Variants in SUSD1 observed in about 807,000 individuals in gnomAD.
The protein encoded by SUSD1 is sushi domain-containing protein 1.
In SUSD1, 65 loss-of-function variants were observed where a neutral mutation model predicts 86.9. The observed-to-expected ratio is 0.75, with a 90% confidence interval of 0.61 to 0.92. SUSD1 has a LOEUF of 0.92. SUSD1 is among the 40% of genes least tolerant of loss of function. The probability of loss-of-function intolerance (pLI) is 0.00; values close to 1 mark genes in which losing one functional copy is unlikely to be tolerated. For synonymous variants in SUSD1, 346 were observed against 350.0 expected (o/e 0.99, Z 0.13); for missense variants, 850 against 929.7 (o/e 0.91, Z 1.11).
At chr9:112,048,267 T>C (rs1828040650) in intron 15 of SUSD1, among the ~76,000 whole-genome samples, 2 of 152,160 alleles carry the variant, frequency 1.3e-5, no homozygotes, top group Non-Finnish European at 2.9e-5. Flanking sequence ...AGAACAGTCT[T>C]TGAATGAATA....
chr9:112,062,130 A>G (rs1244519374), intron 13 of SUSD1, among the ~76,000 whole-genome samples: 1 of 152,332 alleles, frequency 6.6e-6, no homozygotes, highest in East Asian at 1.9e-4. Context: ...CAATACATGA[A>G]AAGACAAAAA....
At chr9:112,041,780 C>T in intron 16 of SUSD1, 87 bp downstream of exon 16, 1 of 1,333,784 alleles carries the variant, frequency 7.5e-7, no homozygotes, top group South Asian at 1.3e-5. Context: ...CTCCCTTTGA[C>T]TCCCCTCATC....
intron 12 of SUSD1, among the ~76,000 whole-genome samples, chr9:112,064,233 C>T (rs1828871817): frequency 6.6e-6 from 1 of 152,146 alleles, no homozygotes; most frequent in South Asian, 2.1e-4. Context: ...GGAACCAGGC[C>T]ACACAGCAGG....
At chr9:112,155,999 A>G (rs1833292755) in intron 2 of SUSD1, among the ~76,000 whole-genome samples, 1 of 151,588 alleles carries the variant, frequency 6.6e-6, no homozygotes, top group Non-Finnish European at 1.5e-5. Flanking sequence ...AAAGAGAGAA[A>G]GAAAGAAAGA....
intron 5 of SUSD1, among the ~76,000 whole-genome samples, chr9:112,126,415 G>A (rs1831774968): frequency 6.6e-6 from 1 of 152,124 alleles, no homozygotes; most frequent in Admixed American, 6.5e-5. Flanking sequence ...AATAATGGAA[G>A]GCATGATGAC....
intron 14 of SUSD1, among the ~76,000 whole-genome samples, chr9:112,056,961 C>T (rs1377850888): frequency 6.6e-6 from 1 of 152,204 alleles, no homozygotes; most frequent in Non-Finnish European, 1.5e-5. Context: ...TTGCTCACCA[C>T]CCAACCCCTG....
rs1272571692 is a variant in SUSD1, at chr9:112,101,880, A to G, written c.1281+296T>C. 2.0e-5 allele frequency among the ~76,000 whole-genome samples: 3 copies of G among 152,220 alleles called. No individual in the cohort carries two copies. The East Asian group carries it at 5.8e-4, about 29-fold the overall frequency. ...AAAATAAAAAATAAAAATAAATTCC[A>G]TGCCCAAATGTGAATCTGATAGCAA... is the stretch of plus-strand genomic sequence containing the variant. On this transcript the variant is annotated intron_variant, in intron 9 of 16. Transcript: ENST00000374270.
At chr9:112,169,468 G>A (rs529919562) in intron 1 of SUSD1, 5 of 151,364 alleles carry the variant, frequency 3.3e-5, no homozygotes, top group Admixed American at 6.6e-5. Flanking sequence ...TGGCTCACAC[G>A]ACCCAATCCT....
intron 9 of SUSD1, among the ~76,000 whole-genome samples, chr9:112,101,969 T>C (rs972127888): frequency 6.6e-6 from 1 of 152,196 alleles, no homozygotes; most frequent in African/African-American, 2.4e-5. Flanking sequence ...GCACAGAAAA[T>C]GATAGCAAGT....
At chr9:112,163,508 C>T (rs1833657041) in intron 1 of SUSD1, among the ~76,000 whole-genome samples, 1 of 151,524 alleles carries the variant, frequency 6.6e-6, no homozygotes, top group African/African-American at 2.4e-5. Context: ...CATGGTGGTG[C>T]ATAGCTGTAA....
intron 14 of SUSD1, among the ~76,000 whole-genome samples, chr9:112,054,648 G>T (rs867002234): frequency 6.0e-5 from 9 of 150,750 alleles, no homozygotes. Context: ...ACATATAAAA[G>T]AATGAATATG....
At chr9:112,106,128 T>C (rs1830829172) in intron 8 of SUSD1, among the ~76,000 whole-genome samples, 1 of 152,184 alleles carries the variant, frequency 6.6e-6, no homozygotes, top group African/African-American at 2.4e-5. Context: ...TAGCTGGAAC[T>C]ACAGGCACAC....
intron 5 of SUSD1, among the ~76,000 whole-genome samples, chr9:112,138,237 G>GTA (rs375674193): frequency 0.51 from 2,100 of 4,152 alleles, 505 homozygotes; most frequent in Non-Finnish European, 0.57. Flanking sequence ...AAAAAAATGT[G>GTA]TATATATATA....
At chr9:112,110,209 C>G (rs1831030716) in intron 8 of SUSD1, among the ~76,000 whole-genome samples, 1 of 152,042 alleles carries the variant, frequency 6.6e-6, no homozygotes, top group South Asian at 2.1e-4. Flanking sequence ...AATAGCCAGG[C>G]ACGGTCGTGG....
intron 12 of SUSD1, among the ~76,000 whole-genome samples, chr9:112,075,593 T>C (rs963538682): frequency 2.0e-5 from 3 of 151,840 alleles, no homozygotes; most frequent in African/African-American, 4.8e-5. Context: ...ATCCCTTTTG[T>C]AATTAGCCAG....
At chr9:112,061,219 T>C (rs904804166) in intron 13 of SUSD1, among the ~76,000 whole-genome samples, 1 of 152,174 alleles carries the variant, frequency 6.6e-6, no homozygotes, top group African/African-American at 2.4e-5. Context: ...TGCTCCATTA[T>C]GTACCCCAAG....
chr9:112,070,460 T>C (rs1829220144), intron 12 of SUSD1, among the ~76,000 whole-genome samples: 1 of 152,228 alleles, frequency 6.6e-6, no homozygotes, highest in African/African-American at 2.4e-5. Context: ...ACTGATGTCC[T>C]GGGTAGACCT....
At chr9:112,064,500 T>C (rs1294667037) in intron 12 of SUSD1, among the ~76,000 whole-genome samples, 1 of 152,190 alleles carries the variant, frequency 6.6e-6, no homozygotes, top group Non-Finnish European at 1.5e-5. Context: ...CCAACAAGGC[T>C]GGGGACCACT....
intron 8 of SUSD1, among the ~76,000 whole-genome samples, chr9:112,109,609 A>G (rs1359072722): frequency 6.6e-6 from 1 of 152,098 alleles, no homozygotes; most frequent in African/African-American, 2.4e-5. Flanking sequence ...TAAGATGCAA[A>G]ACCGGATCTG....
Sources: allele counts gnomAD v4.1 joint callset (sites outside exome capture counted in the v4.1 genomes callset), GRCh38; gene constraint gnomAD v4.1.1; transcripts MANE v1.5; gene names NCBI Gene and HGNC (gene_info 2026-07-23, HGNC 2026-07-21).